The following TSC22D4 variants were observed in gnomAD, a reference collection of about 807,000 sequenced individuals.
The protein encoded by TSC22D4 is TSC22 domain family protein 4.
In TSC22D4, 5 loss-of-function variants were observed where a neutral mutation model predicts 24.9. The ratio of observed to expected loss-of-function variants is 0.20; its 90% confidence interval spans 0.10 to 0.42. The LOEUF (loss-of-function observed/expected upper bound fraction) is 0.42. Ranked by LOEUF, TSC22D4 falls within the 10% of genes least tolerant of loss-of-function variation. TSC22D4 has a pLI of 1.00. For missense variants in TSC22D4, 469 were observed against 547.9 expected (o/e 0.86, Z 1.44); for synonymous variants, 245 against 243.2 (o/e 1.01, Z -0.07).
In TSC22D4 at chr7:100,474,713, G is replaced by A. The variant is rs1799461290; in HGVS notation, c.763-273C>T. On this transcript the variant is annotated intron_variant, in intron 2 of 4. Coordinates refer to ENST00000300181, the MANE Select transcript of TSC22D4 (RefSeq NM_030935.5). The surrounding 1 kb of genome is among the most constrained non-coding windows in gnomAD (Gnocchi z 4.3). ...CAAGTGGGAGGAGGGGGTGACTGAC[G>A]GAGGAACCCAGAATAGACTCCAATG... 6.6e-6 allele frequency among the ~76,000 whole-genome samples: 1 copy of A among 152,204 alleles called. No homozygotes were observed. Among genetic ancestry groups the A allele is most frequent in the Non-Finnish European group, 1.5e-5 (1 of 68,036 alleles).
At chr7:100,469,445 G>GC (rs1799353745) in intron 3 of TSC22D4, among the ~76,000 whole-genome samples, 1 of 152,062 alleles carries the variant, frequency 6.6e-6, no homozygotes, top group Admixed American at 6.5e-5. Context: ...TGGCTCAACA[G>GC]CCCCCAGGGC....
At chr7:100,475,137 G>A (rs1245913555) in intron 2 of TSC22D4, among the ~76,000 whole-genome samples, 1 of 152,186 alleles carries the variant, frequency 6.6e-6, no homozygotes, top group Non-Finnish European at 1.5e-5. Flanking sequence ...ATGCTGGAGT[G>A]CAGTGACGTG....
In TSC22D4 at chr7:100,477,779, C is replaced by T. The variant is rs1034347157; in HGVS notation, c.260G>A (p.Arg87His). The change falls in exon 2 of 5, where the codon CGC (arginine) becomes CAC (histidine). Residue 87 changes from arginine to histidine, a missense_variant. Transcript: ENST00000300181. The surrounding 1 kb of genome is among the most constrained non-coding windows in gnomAD (Gnocchi z 7.8). ...LPHGLGEPYRRGRWTCVDVYE... is the reference protein window; with the variant it reads ...LPHGLGEPYRHGRWTCVDVYE... ...AACATCCACACACGTCCAGCGACCG[C>T]GGCGATAAGGCTCTCCCAGGCCGTG... is the stretch of plus-strand genomic sequence containing the variant. 4 of 1,606,526 alleles carry T rather than the reference C, an allele frequency of 2.5e-6. No individual in the cohort carries two copies. Among genetic ancestry groups the T allele is most frequent in the Admixed American group, 1.7e-5 (1 of 59,946 alleles).
rs775455505 is a variant in TSC22D4 at position 100,467,017 on chromosome 7, AGCTGAGCCAGCT to A, written c.1118_1129del (p.Gln373_Gln376del). ...AAGCCGTGGGACCCCCGAGGAGGGC[AGCTGAGCCAGCT>A]GCTCCGGGCTGGCCAGGGCGCGCAG... On this transcript the variant is annotated inframe_deletion, in exon 5 of 5. Transcript: ENST00000300181. The A allele has an allele frequency of 6.2e-7, 1 of 1,610,376 alleles. No homozygotes were observed. Among genetic ancestry groups the A allele is most frequent in the South Asian group, 1.1e-5 (1 of 90,638 alleles).
intron 4 of TSC22D4, 157 bp from the exon 5 acceptor site, chr7:100,467,325 G>T: frequency 1.1e-6 from 1 of 904,412 alleles, no homozygotes; most frequent in Non-Finnish European, 1.8e-6. Flanking sequence ...CAGAGGCAGA[G>T]TCAGGGCTCA....
At position 100,466,936 on chromosome 7, in the gene TSC22D4, G is replaced by T; in HGVS notation, c.*23C>A. On this transcript the variant is annotated 3_prime_UTR_variant, in exon 5 of 5. Coordinates refer to ENST00000300181, the MANE Select transcript of TSC22D4 (RefSeq NM_030935.5). ...GACGCAAGGCCGGGCAGCCCCAAAG[G>T]CACATTGTAAGGGAAGGGAGGCTCA... The T allele has an allele frequency of 6.6e-7, 1 of 1,521,742 alleles. No homozygotes were observed. The highest frequency in any genetic ancestry group is 1.2e-5 in the South Asian group (1 of 80,264). The allele number at this position is 1,521,742 out of a possible 1,614,324, so 94.3% of individuals were successfully genotyped here.
intron 3 of TSC22D4, among the ~76,000 whole-genome samples, chr7:100,472,445 A>G (rs937817106): frequency 2.2e-5 from 3 of 136,240 alleles, no homozygotes; most frequent in Admixed American, 1.6e-4. Context: ...GGGAGGGTAC[A>G]GGGGAAAGAC....
Position 100,474,150 on chromosome 7 carries a change from TA to T in TSC22D4, c.929+123del. 7.5e-7 allele frequency: 1 copy of T among 1,327,916 alleles called. No individual in the cohort carries two copies. The highest frequency in any genetic ancestry group is 1.0e-6 in the Non-Finnish European group (1 of 961,896). The allele number at this position is 1,327,916 out of a possible 1,614,324, so 82.3% of individuals were successfully genotyped here. The stretch of plus-strand genomic sequence containing the variant: ...TGGCTATGCCCAGGCCAGGTTTCTC[TA>T]AGAGGTCCTCTCCAAGTTCAACCTG... On this transcript the variant is annotated intron_variant, in intron 3 of 4. Transcript: ENST00000300181. The surrounding 1 kb of genome is among the most constrained non-coding windows in gnomAD (Gnocchi z 4.3).
In TSC22D4 at chr7:100,468,303, G is replaced by T. The variant is rs1035223104; in HGVS notation, c.930-703C>A. ...AGCTGGTGGCTGGGCCAGGGGAGGG[G>T]CGTGGGGCAGAAGCCTGGGTCTGAG... On this transcript the variant is annotated intron_variant, in intron 3 of 4. Transcript: ENST00000300181. 1.2e-4 allele frequency among the ~76,000 whole-genome samples: 19 copies of T among 152,302 alleles called. No individual in the cohort carries two copies. The South Asian group carries it at 3.9e-3, about 32-fold the overall frequency.
At position 100,477,571 on chromosome 7, in the gene TSC22D4, G is replaced by C. The variant is rs773018910; in HGVS notation, c.468C>G (p.Pro156=). The C allele has an allele frequency of 5.7e-6, 9 of 1,580,960 alleles. No individual in the cohort carries two copies. The highest frequency in any genetic ancestry group is 5.4e-5 in the African/African-American group (4 of 74,362). Residue 156 remains proline, a synonymous_variant, in exon 2 of 5, where the codon CCC becomes CCG. Coordinates refer to ENST00000300181, the MANE Select transcript of TSC22D4 (RefSeq NM_030935.5). This position sits in a 1 kb window ranked among gnomAD's most constrained non-coding sequence, Gnocchi z 7.8. ...QGPTSWLRPP[P]TSPGPQARSF... ...AGCGGGCCTGAGGTCCAGGAGAGGT[G>C]GGGGGTGGACGGAGCCAGGAGGTGG...
Position 100,477,907 on chromosome 7 carries a change from G to A in TSC22D4, c.132C>T (p.Pro44=). The A allele has an allele frequency of 6.4e-7, 1 of 1,559,630 alleles. No homozygotes were observed. ...QPPTGPPPRL[P]NGEPSPDPGG... Reference sequence around the variant, plus strand: ...CCGGATCGGGGCTGGGCTCCCCATTGGGCAGGCGGGGCGGGGGCCCGGTTG... The same window carrying A: ...CCGGATCGGGGCTGGGCTCCCCATTAGGCAGGCGGGGCGGGGGCCCGGTTG... The change falls in exon 2 of 5, where the codon CCC becomes CCT. Residue 44 remains proline (P), a synonymous_variant. Transcript: ENST00000300181. The surrounding 1 kb of genome is among the most constrained non-coding windows in gnomAD (Gnocchi z 7.8).
rs375520325 is a variant in TSC22D4 at position 100,470,048 on chromosome 7, A to G, written c.930-2448T>C. 7.9e-4 allele frequency among the ~76,000 whole-genome samples: 120 copies of G among 152,170 alleles called. 2 individuals carry two copies. The South Asian group carries it at 0.023, about 29-fold the overall frequency. ...GGTGGGTCTGCCAGCAGGAGGGTCA[A>G]AGTAATTTTCGAGCTATTTCAATCA... On this transcript the variant is annotated intron_variant, in intron 3 of 4. Coordinates refer to ENST00000300181, the MANE Select transcript of TSC22D4 (RefSeq NM_030935.5).
In TSC22D4 at chr7:100,474,431, G is replaced by C. The variant is rs749558199; in HGVS notation, c.772C>G (p.Leu258Val). 3.7e-6 allele frequency: 6 copies of C among 1,613,914 alleles called. No individual in the cohort carries two copies. Among genetic ancestry groups the C allele is most frequent in the Non-Finnish European group, 5.1e-6 (6 of 1,179,998 alleles). The part of the protein sequence containing the change: ...APEEMGQVPP[L>V]DSRPSSPALY... The stretch of plus-strand genomic sequence containing the variant: ...GCTGGGGAGCTGGGGCGAGAGTCAA[G>C]TGGGGGCACCTGGAGGCGGAGAGGT... Residue 258 changes from leucine (L) to valine (V), a missense_variant, in exon 3 of 5, where the codon CTT (leucine) becomes GTT (valine). Leu to Val is a conservative substitution (Grantham distance 32). Transcript: ENST00000300181. This position sits in a 1 kb window ranked among gnomAD's most constrained non-coding sequence, Gnocchi z 4.3.
intron 3 of TSC22D4, among the ~76,000 whole-genome samples, chr7:100,470,295 T>A (rs754662838): frequency 6.7e-6 from 1 of 150,370 alleles, no homozygotes; most frequent in Non-Finnish European, 1.5e-5. Context: ...GTGACTGTCT[T>A]CTGTTTGTCT....
chr7:100,472,673 T>TG (rs1383416029), intron 3 of TSC22D4, among the ~76,000 whole-genome samples: 1 of 151,950 alleles, frequency 6.6e-6, no homozygotes, highest in Non-Finnish European at 1.5e-5. Context: ...AGAGTGGGAA[T>TG]GGGGCGTGCA....
intron 3 of TSC22D4, among the ~76,000 whole-genome samples, chr7:100,468,277 C>T (rs1340307248): frequency 1.3e-5 from 2 of 151,894 alleles, no homozygotes; most frequent in Non-Finnish European, 2.9e-5. Flanking sequence ...CCGAGGAAGT[C>T]AGCTGGTGGC....
rs1237308392 is a variant in TSC22D4 at position 100,474,518 on chromosome 7, C to G, written c.763-78G>C. ...AGCTGCCTTAAAACTTGCCTATTAGCCTTCCTCCCTCTCCACCTCCCCACT... is the reference window on the plus strand; with the variant it reads ...AGCTGCCTTAAAACTTGCCTATTAGGCTTCCTCCCTCTCCACCTCCCCACT... On this transcript the variant is annotated intron_variant, in intron 2 of 4. Transcript: ENST00000300181. This position sits in a 1 kb window ranked among gnomAD's most constrained non-coding sequence, Gnocchi z 4.3. The G allele has an allele frequency of 6.5e-7, 1 of 1,530,154 alleles. No homozygotes were observed. The highest frequency in any genetic ancestry group is 1.9e-5 in the Admixed American group (1 of 52,120). 94.8% of individuals were successfully genotyped at this position (1,530,154 alleles called of 1,614,324 possible). A position where few individuals can be genotyped will look rare whatever the true frequency, so the allele number is the denominator to read the frequency against.
chr7:100,472,985 G>T (rs959047867), intron 3 of TSC22D4, among the ~76,000 whole-genome samples: 1 of 152,014 alleles, frequency 6.6e-6, no homozygotes, highest in African/African-American at 2.4e-5. Context: ...CCTCCCACGG[G>T]AAGTCCCACT....
At chr7:100,469,440 C>T (rs1312440179) in intron 3 of TSC22D4, among the ~76,000 whole-genome samples, 2 of 152,076 alleles carry the variant, frequency 1.3e-5, no homozygotes, top group African/African-American at 4.8e-5. Context: ...AGGCCTGGCT[C>T]AACAGCCCCC....
Sources: allele counts gnomAD v4.1 joint callset (sites outside exome capture counted in the v4.1 genomes callset), GRCh38; gene constraint gnomAD v4.1.1; non-coding constraint Gnocchi (gnomAD v3.1); transcripts MANE v1.5; gene names NCBI Gene and HGNC (gene_info 2026-07-23, HGNC 2026-07-21).